The following TTLL12 variants were observed in gnomAD, a reference collection of about 807,000 sequenced individuals.
The protein encoded by TTLL12 is tubulin--tyrosine ligase-like protein 12.
In TTLL12, 77 loss-of-function variants were observed where a neutral mutation model predicts 79.6. The observed-to-expected ratio is 0.97, with a 90% CI of 0.81 to 1.17. TTLL12 has a LOEUF of 1.17. Ranked by LOEUF, TTLL12 falls within the 50% of genes most tolerant of loss-of-function variation. The pLI is 0.00. For missense variants in TTLL12, 969 were observed against 895.9 expected (o/e 1.08, Z -1.04); for synonymous variants, 437 against 376.1 (o/e 1.16, Z -1.87).
chr22:43,173,008 T>C lies in TTLL12; in HGVS notation c.1342-454A>G, dbSNP rs116744365. On this transcript the variant is annotated intron_variant, in intron 9 of 13. Coordinates refer to ENST00000216129, the MANE Select transcript of TTLL12 (RefSeq NM_015140.4). ...CCACCGCACCCTGAAGCAAAGTCTT[T>C]ATATCCATTTTTAATTGAAATGAAA... 3.8e-3 allele frequency among the ~76,000 whole-genome samples: 572 copies of C among 152,306 alleles called. 3 individuals carry two copies. Among genetic ancestry groups the C allele is most frequent in the African/African-American group, 0.013 (541 of 41,560 alleles).
chr22:43,178,530 C>T (rs1931972209), intron 5 of TTLL12, among the ~76,000 whole-genome samples: 1 of 152,052 alleles, frequency 6.6e-6, no homozygotes, highest in African/African-American at 2.4e-5. Context: ...ACCGTGTTGG[C>T]CAGGATGGTC....
At chr22:43,180,210 G>A (rs951139787) in intron 3 of TTLL12, among the ~76,000 whole-genome samples, 2 of 152,134 alleles carry the variant, frequency 1.3e-5, no homozygotes, top group Non-Finnish European at 2.9e-5. Context: ...GTAACACAGC[G>A]TGAACACTCG....
In TTLL12 at chr22:43,183,254, G is replaced by A; in HGVS notation, c.178-105C>T. 2.8e-6 allele frequency: 4 copies of A among 1,403,950 alleles called. No individual in the cohort carries two copies. The South Asian group carries it at 5.1e-5, about 18-fold the overall frequency. The allele number at this position is 1,403,950 out of a possible 1,614,324, so 87.0% of individuals were successfully genotyped here. On this transcript the variant is annotated intron_variant, in intron 1 of 13. Transcript: ENST00000216129. Reference sequence around the variant, plus strand: ...CGAGGTGCCACACCCAGGCCTCAAGGACAAACTTGTCTCCTTCAGAGGTGT... The same window carrying A: ...CGAGGTGCCACACCCAGGCCTCAAGAACAAACTTGTCTCCTTCAGAGGTGT...
Position 43,186,915 on chromosome 22 carries a change from A to C in TTLL12, c.155T>G (p.Leu52Arg), listed in dbSNP as rs1429620461. The change falls in exon 1 of 14, where the codon CTC becomes CGC. Residue 52 changes from leucine to arginine, a missense_variant. Transcript: ENST00000216129. ...SGVPERYWGR[L>R]LHKLEHEVFD... ...CACCTCGTGCTCCAGCTTGTGCAGGAGGCGGCCCCAGTAACGTTCGGGGAC... is the reference window on the plus strand; with the variant it reads ...CACCTCGTGCTCCAGCTTGTGCAGGCGGCGGCCCCAGTAACGTTCGGGGAC... 1.5e-6 allele frequency: 2 copies of C among 1,352,092 alleles called. No homozygotes were observed. The highest frequency in any genetic ancestry group is 1.6e-5 in the South Asian group (1 of 61,100). 83.8% of individuals were successfully genotyped at this position (1,352,092 alleles called of 1,614,324 possible).
rs1225666234 is a variant in TTLL12, at chr22:43,176,328, G to A, written c.909C>T (p.His303=). 2 of 1,596,966 alleles carry A rather than the reference G, an allele frequency of 1.3e-6. No homozygotes were observed. The highest frequency in any genetic ancestry group is 1.7e-6 in the Non-Finnish European group (2 of 1,172,850). ...GGGGGGGGGCTACGCACTTGAAGAT[G>A]TGGCCGTGGGGGTGCACCACGGGGT... The part of the protein sequence containing the change: ...DINPVVHPHG[H]IFKVYTDVQQ... The change falls in exon 6 of 14, where the codon CAC becomes CAT. Residue 303 remains histidine (H), a synonymous_variant. Transcript: ENST00000216129.
chr22:43,169,421 G>A, intron 12 of TTLL12, 79 bp downstream of exon 12: 5 of 1,255,652 alleles, frequency 4.0e-6, no homozygotes, highest in Non-Finnish European at 3.3e-6. Flanking sequence ...CCAGCAGAGA[G>A]GGAAGGGAGC....
intron 3 of TTLL12, among the ~76,000 whole-genome samples, chr22:43,180,345 T>C (rs1003829021): frequency 6.6e-6 from 1 of 152,074 alleles, no homozygotes; most frequent in African/African-American, 2.4e-5. Context: ...CTGGAGGAGA[T>C]GACATCTAAG....
rs376401080 is a variant in TTLL12 at position 43,174,790 on chromosome 22, T to A, written c.918-175A>T. ...CGGGTTCAGACCCCGCTCCCTCCAA[T>A]CTGCTGAGGGAGGGGCGCAACCTGT... On this transcript the variant is annotated intron_variant, in intron 6 of 13. Coordinates refer to ENST00000216129, the MANE Select transcript of TTLL12 (RefSeq NM_015140.4). Among the ~76,000 whole-genome samples, 3 of 152,256 alleles carry A rather than the reference T, an allele frequency of 2.0e-5. No individual in the cohort carries two copies. In the East Asian group the frequency reaches 5.8e-4, roughly 29 times the overall value.
Position 43,167,870 on chromosome 22 carries a change from C to T in TTLL12, c.*138G>A, listed in dbSNP as rs544798600. 2.6e-6 allele frequency: 3 copies of T among 1,138,888 alleles called. No individual in the cohort carries two copies. The African/African-American group carries it at 4.7e-5, about 18-fold the overall frequency. The allele number at this position is 1,138,888 out of a possible 1,614,324, so 70.5% of individuals were successfully genotyped here. A position where few individuals can be genotyped will look rare whatever the true frequency, so the allele number is the denominator to read the frequency against. ...CCGGAGTGTGGCGCCGGGAGGATGG[C>T]TCGGCAGGACAGAGGCCTGGGGCTG... On this transcript the variant is annotated 3_prime_UTR_variant, in exon 14 of 14. Transcript: ENST00000216129.
Position 43,168,103 on chromosome 22 carries a change from G to C in TTLL12, c.1840C>G (p.Arg614Gly), listed in dbSNP as rs776511608. The change falls in exon 14 of 14, where the codon CGA (arginine) becomes GGA (glycine). Residue 614 changes from arginine to glycine, a missense_variant. Arg to Gly is a moderately radical substitution (Grantham distance 125, BLOSUM62 -2). Coordinates refer to ENST00000216129, the MANE Select transcript of TTLL12 (RefSeq NM_015140.4). ...LEVNFNPDCE[R>G]ACRYHPTFFN... Reference sequence around the variant, plus strand: ...AAGGTGGGGTGGTACCTGCAGGCTCGCTCACAGTCGGGGTTGAAGTTCACC... The same window carrying C: ...AAGGTGGGGTGGTACCTGCAGGCTCCCTCACAGTCGGGGTTGAAGTTCACC... 6.8e-6 allele frequency: 11 copies of C among 1,614,060 alleles called. No individual in the cohort carries two copies. Among genetic ancestry groups the C allele is most frequent in the Non-Finnish European group, 9.3e-6 (11 of 1,180,012 alleles).
At chr22:43,176,817 C>T (rs1293600587) in intron 5 of TTLL12, among the ~76,000 whole-genome samples, 1 of 151,804 alleles carries the variant, frequency 6.6e-6, no homozygotes, top group Non-Finnish European at 1.5e-5. Flanking sequence ...TCAAGGGGCG[C>T]ATGGCTGCTC....
At chr22:43,183,793 C>G (rs1340597395) in intron 1 of TTLL12, among the ~76,000 whole-genome samples, 1 of 152,248 alleles carries the variant, frequency 6.6e-6, no homozygotes, top group African/African-American at 2.4e-5. Context: ...GGGTCCCTGG[C>G]ACAGCCACAC....
intron 1 of TTLL12, among the ~76,000 whole-genome samples, chr22:43,186,519 C>T (rs1334255297): frequency 3.3e-5 from 5 of 152,214 alleles, no homozygotes; most frequent in African/African-American, 4.8e-5. Context: ...TTCCCGTTGT[C>T]CCTGTGAGGC....
chr22:43,179,962 G>A lies in TTLL12; in HGVS notation c.585C>T (p.Asp195=), dbSNP rs764792694. The A allele has an allele frequency of 1.7e-5, 28 of 1,609,254 alleles. No individual in the cohort carries two copies. Among genetic ancestry groups the A allele is most frequent in the South Asian group, 6.6e-5 (6 of 90,986 alleles). The change falls in exon 4 of 14, where the codon GAC becomes GAT. Residue 195 remains aspartate, a synonymous_variant. Transcript: ENST00000216129. The stretch of plus-strand genomic sequence containing the variant: ...CGTGCTGGATCCGCGAACCGAACTC[G>A]TCCATGATATACCACACCGGCATCT... The part of the protein sequence containing the change: ...EEKMPVWYIM[D]EFGSRIQHAD...
At chr22:43,183,263 G>T in intron 1 of TTLL12, 114 bp from the exon 2 acceptor site, 1 of 1,315,276 alleles carries the variant, frequency 7.6e-7, no homozygotes, top group Non-Finnish European at 1.1e-6. Flanking sequence ...GGACAAACTT[G>T]TCTCCTTCAG....
chr22:43,174,385 C>T lies in TTLL12; in HGVS notation c.1053G>A (p.Arg351=). Residue 351 remains arginine (R), a synonymous_variant, in exon 8 of 14, where the codon AGG becomes AGA. Coordinates refer to ENST00000216129, the MANE Select transcript of TTLL12 (RefSeq NM_015140.4). ...GGAACTGGTTCAGCAGCACGCCTGG[C>T]CTCTCCTGGCTGAGTTTCCTGCAGG... is the stretch of plus-strand genomic sequence containing the variant. ...FKDYRKLSQE[R]PGVLLNQFPC... 1 of 1,566,460 alleles carries T rather than the reference C, an allele frequency of 6.4e-7. No individual in the cohort carries two copies. Among genetic ancestry groups the T allele is most frequent in the Non-Finnish European group, 8.7e-7 (1 of 1,151,568 alleles).
chr22:43,177,941 G>A (rs907375980), intron 5 of TTLL12, among the ~76,000 whole-genome samples: 15 of 152,284 alleles, frequency 9.9e-5, no homozygotes, highest in African/African-American at 3.4e-4. Flanking sequence ...AGGGTCAAAT[G>A]GGAAAAAACA....
intron 1 of TTLL12, among the ~76,000 whole-genome samples, chr22:43,184,199 T>C (rs914694982): frequency 6.6e-6 from 1 of 152,232 alleles, no homozygotes; most frequent in African/African-American, 2.4e-5. Flanking sequence ...CAAAGGCCAG[T>C]TCCTCCCTAA....
chr22:43,168,808 GACGGCATAC>G lies in TTLL12; in HGVS notation c.1740_1748del (p.Met580_Val583delinsIle). The G allele has an allele frequency of 6.3e-7, 1 of 1,577,448 alleles. No homozygotes were observed. Among genetic ancestry groups the G allele is most frequent in the East Asian group, 2.3e-5 (1 of 42,718 alleles). ...CGTTGTCCCACTTCAGCATGAGGTCGACGGCATACATGGCCCGGGATGAGGGGTAGTCGC... is the reference window on the plus strand; with the variant it reads ...CGTTGTCCCACTTCAGCATGAGGTCGATGGCCCGGGATGAGGGGTAGTCGC... On this transcript the variant is annotated inframe_deletion, in exon 13 of 14. Transcript: ENST00000216129.
Sources: gnomAD v4.1 joint callset for allele counts (sites outside exome capture counted in the v4.1 genomes callset) on GRCh38, gnomAD v4.1.1 for gene constraint, MANE v1.5 for transcripts, NCBI Gene and HGNC (gene_info 2026-07-23, HGNC 2026-07-21) for gene names.